The following CFAP20DC variants were observed in gnomAD, a reference collection of about 807,000 sequenced individuals.
CFAP20DC encodes the protein protein CFAP20DC.
CFAP20DC carries 84 observed loss-of-function variants against 101.7 expected under a neutral mutation model. The observed-to-expected ratio is 0.83, with a 90% CI of 0.69 to 0.99. The LOEUF (loss-of-function observed/expected upper bound fraction) is 0.99, where lower values mean the gene tolerates loss of function less well. Ranked by LOEUF, CFAP20DC falls within the 50% of genes least tolerant of loss-of-function variation. CFAP20DC has a pLI of 0.00. For missense variants in CFAP20DC, 1,007 were observed against 970.3 expected (o/e 1.04, Z -0.50); for synonymous variants, 359 against 351.2 (o/e 1.02, Z -0.25).
At chr3:58,934,825 G>C (rs1036628263) in intron 5 of CFAP20DC, among the ~76,000 whole-genome samples, 10 of 152,136 alleles carry the variant, frequency 6.6e-5, no homozygotes, top group African/African-American at 2.4e-4. Flanking sequence ...CATACTGAAT[G>C]GGCAAAAACT....
At chr3:59,042,047 C>A (rs954783150) in intron 3 of CFAP20DC, among the ~76,000 whole-genome samples, 4 of 152,072 alleles carry the variant, frequency 2.6e-5, no homozygotes, top group Admixed American at 6.6e-5. Context: ...AAGCATATAA[C>A]CCTGGGTCCT....
intron 14 of CFAP20DC, among the ~76,000 whole-genome samples, chr3:58,826,040 G>A (rs923461774): frequency 1.3e-5 from 2 of 152,186 alleles, no homozygotes; most frequent in African/African-American, 2.4e-5. Context: ...TTTACTCTGC[G>A]TAGGCTTTCT....
chr3:58,884,703 T>C lies in CFAP20DC; in HGVS notation c.557A>G (p.Tyr186Cys), dbSNP rs147149007. The C allele has an allele frequency of 4.7e-5, 75 of 1,603,550 alleles. No individual in the cohort carries two copies. In the African/African-American group the frequency reaches 5.4e-4, roughly 11 times the overall value. ...PQDTADKDAV[Y>C]GVPFSTDEPT... is the part of the protein sequence containing the mutation. ...CTCATCTGTTGAAAAGGGAACACCA[T>C]AGACAGCTGGAAATAAAGACAAACA... The change falls in exon 7 of 17, where the codon TAT becomes TGT. Residue 186 changes from tyrosine (Y) to cysteine (C), a missense_variant. Tyr to Cys is a radical substitution (Grantham distance 194, BLOSUM62 -2). Coordinates refer to ENST00000482387, the MANE Select transcript of CFAP20DC (RefSeq NM_001394063.1).
At chr3:58,918,436 AG>A (rs1320257794) in intron 5 of CFAP20DC, among the ~76,000 whole-genome samples, 2 of 152,160 alleles carry the variant, frequency 1.3e-5, no homozygotes, top group Non-Finnish European at 2.9e-5. Context: ...AGCTGGAACC[AG>A]GTTCATCTCA....
chr3:58,984,920 T>C (rs1042869688), intron 4 of CFAP20DC, among the ~76,000 whole-genome samples: 2 of 152,080 alleles, frequency 1.3e-5, no homozygotes. Flanking sequence ...TTTGGGGGGC[T>C]GAGGGGACAG....
At chr3:58,753,968 T>C in intron 15 of CFAP20DC, 105 bp from the exon 16 acceptor site, 1 of 685,838 alleles carries the variant, frequency 1.5e-6, no homozygotes, top group Non-Finnish European at 2.5e-6. Context: ...GAAACACTTT[T>C]TTTCCTCCTT....
At chr3:58,822,827 G>A (rs548192660) in intron 14 of CFAP20DC, among the ~76,000 whole-genome samples, 1 of 152,054 alleles carries the variant, frequency 6.6e-6, no homozygotes. Context: ...ACCTTCTCCT[G>A]TTCTCCCCTG....
intron 4 of CFAP20DC, among the ~76,000 whole-genome samples, chr3:59,000,183 T>A (rs751577457): frequency 6.6e-6 from 1 of 152,224 alleles, no homozygotes; most frequent in East Asian, 1.9e-4. Context: ...CCATGGCATA[T>A]GTATATTCTC....
intron 4 of CFAP20DC, among the ~76,000 whole-genome samples, chr3:59,012,861 A>G (rs2093615666): frequency 6.6e-6 from 1 of 152,164 alleles, no homozygotes; most frequent in Admixed American, 6.5e-5. Context: ...TTATTCACCA[A>G]TACTGTTCTT....
intron 15 of CFAP20DC, among the ~76,000 whole-genome samples, chr3:58,772,358 G>C (rs1170309095): frequency 6.6e-6 from 1 of 152,020 alleles, no homozygotes; most frequent in Non-Finnish European, 1.5e-5. Flanking sequence ...CCAAAATACA[G>C]AAAAATGCTT....
chr3:58,745,655 T>G (rs1054971432), intron 16 of CFAP20DC, among the ~76,000 whole-genome samples: 1 of 152,210 alleles, frequency 6.6e-6, no homozygotes, highest in African/African-American at 2.4e-5. Flanking sequence ...TAATAAATGA[T>G]AGTTACTATT....
chr3:58,962,311 T>C (rs561785655), intron 4 of CFAP20DC, among the ~76,000 whole-genome samples: 39 of 152,354 alleles, frequency 2.6e-4, no homozygotes, highest in African/African-American at 7.9e-4. Flanking sequence ...TTTATAAGTA[T>C]GTGAGGATTT....
intron 4 of CFAP20DC, among the ~76,000 whole-genome samples, chr3:59,037,684 G>T (rs2094128597): frequency 6.6e-6 from 1 of 152,110 alleles, no homozygotes; most frequent in Admixed American, 6.6e-5. Context: ...CTGTTGGTGG[G>T]AGTCTAAATT....
intron 12 of CFAP20DC, 83 bp from the exon 13 acceptor site, chr3:58,849,492 C>T: frequency 9.5e-7 from 1 of 1,056,616 alleles, no homozygotes; most frequent in Non-Finnish European, 1.3e-6. Flanking sequence ...TTAATAAATT[C>T]ATATTTTCTA....
chr3:58,731,014 ATTTG>A (rs2107079449), intron 3 of CFAP20DC, among the ~76,000 whole-genome samples: 1 of 152,298 alleles, frequency 6.6e-6, no homozygotes, highest in Non-Finnish European at 1.5e-5. Context: ...TACAGAGCTT[ATTTG>A]TTTATTAAAT....
At position 58,849,225 on chromosome 3, in the gene CFAP20DC, T is replaced by C. The variant is rs2108302942; in HGVS notation, c.1778A>G (p.Asn593Ser). Residue 593 changes from asparagine (N) to serine (S), a missense_variant, in exon 13 of 17, where the codon AAT becomes AGT. Coordinates refer to ENST00000482387, the MANE Select transcript of CFAP20DC (RefSeq NM_001394063.1). ...QDSSMEQIDR[N>S]NFEMSLLPTT... ...AGGCAACAAACTCATTTCAAAGTTA[T>C]TTCTATCTATTTGCTCCATCGAGGA... is the stretch of plus-strand genomic sequence containing the variant. 2.0e-6 allele frequency: 3 copies of C among 1,536,104 alleles called. No homozygotes were observed. Among genetic ancestry groups the C allele is most frequent in the Non-Finnish European group, 2.6e-6 (3 of 1,146,892 alleles).
At chr3:58,718,023 C>A (rs1178007870) in intron 3 of CFAP20DC, among the ~76,000 whole-genome samples, 3 of 152,342 alleles carry the variant, frequency 2.0e-5, no homozygotes, top group Admixed American at 6.5e-5. Context: ...TGGCTTCATT[C>A]ATTCAGTTTA....
At chr3:58,929,189 T>C (rs1330596388) in intron 5 of CFAP20DC, among the ~76,000 whole-genome samples, 1 of 152,236 alleles carries the variant, frequency 6.6e-6, no homozygotes, top group South Asian at 2.1e-4. Flanking sequence ...GGTTCACTTA[T>C]AATGGAAAGA....
chr3:58,765,337 C>T (rs773958676), intron 15 of CFAP20DC, among the ~76,000 whole-genome samples: 2 of 151,916 alleles, frequency 1.3e-5, no homozygotes, highest in Non-Finnish European at 2.9e-5. Flanking sequence ...AGCAAGTTAG[C>T]TTAATCATCT....
Sources: allele counts gnomAD v4.1 joint callset (sites outside exome capture counted in the v4.1 genomes callset), GRCh38; gene constraint gnomAD v4.1.1; transcripts MANE v1.5; gene names NCBI Gene and HGNC (gene_info 2026-07-23, HGNC 2026-07-21).